SERPINH1: variants seen among roughly 807,000 people sequenced by gnomAD.
SERPINH1 encodes the protein serpin H1.
In SERPINH1, 22 loss-of-function variants were observed where a neutral mutation model predicts 32.3. The ratio of observed to expected loss-of-function variants is 0.68; its 90% CI spans 0.49 to 0.97. The LOEUF (loss-of-function observed/expected upper bound fraction) is 0.97. SERPINH1 is among the 50% of genes least tolerant of loss of function. The pLI, the probability that SERPINH1 is intolerant of heterozygous loss-of-function variation, is 0.00. For missense variants in SERPINH1, 543 were observed against 576.4 expected (o/e 0.94, Z 0.59); for synonymous variants, 251 against 245.9 (o/e 1.02, Z -0.19).
In SERPINH1 at chr11:75,571,955, CG is replaced by C; in HGVS notation, c.1130del (p.Arg377ProfsTer15). ...GGACATCTACGGGCGCGAGGAGCTG[CG>C]CAGCCCCAAGCTGTTCTACGCCGAC... is the stretch of plus-strand genomic sequence containing the variant. The part of the protein sequence containing the change: ...DQDIYGREEL[R>X]SPKLFYADHP... On this transcript the variant is annotated frameshift_variant, in exon 5 of 5. Coordinates refer to ENST00000358171, the MANE Select transcript of SERPINH1 (RefSeq NM_001235.5). LOFTEE classifies it high-confidence loss of function. 6.2e-7 allele frequency: 1 copy of C among 1,614,208 alleles called. No individual in the cohort carries two copies. The highest frequency in any genetic ancestry group is 2.2e-5 in the East Asian group (1 of 44,888).
In SERPINH1 at chr11:75,572,142, T is replaced by G; in HGVS notation, c.*59T>G. 6.5e-7 allele frequency: 1 copy of G among 1,544,924 alleles called. No homozygotes were observed. Among genetic ancestry groups the G allele is most frequent in the Non-Finnish European group, 8.9e-7 (1 of 1,124,562 alleles). Reference sequence around the variant, plus strand: ...TCCAAAGGCTCCTGAGACACATGGGTGCTATTGGGGTTGGGGGGGAGGTGA... The same window carrying G: ...TCCAAAGGCTCCTGAGACACATGGGGGCTATTGGGGTTGGGGGGGAGGTGA... On this transcript the variant is annotated 3_prime_UTR_variant, in exon 5 of 5. Transcript: ENST00000358171.
In SERPINH1 at chr11:75,566,937, C is replaced by A. The variant is rs1232634716; in HGVS notation, c.588C>A (p.Asp196Glu). Residue 196 changes from aspartate (D) to glutamate (E), a missense_variant, in exon 2 of 5, where the codon GAC becomes GAA. Asp to Glu is a conservative substitution (Grantham distance 45). This residue lies in a region of SERPINH1 where 427 missense variants were observed against 446.4 expected (regional missense o/e 0.96). Coordinates refer to ENST00000358171, the MANE Select transcript of SERPINH1 (RefSeq NM_001235.5). Reference protein sequence around the residue: ...PEVTKDVERTDGALLVNAMFF... With the variant: ...PEVTKDVERTEGALLVNAMFF... ...TCACCAAGGACGTGGAGCGCACGGA[C>A]GGCGCCCTGCTAGTCAACGCCATGT... 1 of 1,603,672 alleles carries A rather than the reference C, an allele frequency of 6.2e-7. No homozygotes were observed. The highest frequency in any genetic ancestry group is 1.1e-5 in the South Asian group (1 of 91,032).
Position 75,566,455 on chromosome 11 carries a change from T to G in SERPINH1, c.106T>G (p.Leu36Val). 6.2e-7 allele frequency: 1 copy of G among 1,612,436 alleles called. No homozygotes were observed. The highest frequency in any genetic ancestry group is 8.5e-7 in the Non-Finnish European group (1 of 1,179,842). The change falls in exon 2 of 5, where the codon TTG (leucine) becomes GTG (valine). Residue 36 changes from leucine to valine, a missense_variant. This residue lies in a region of SERPINH1 where 109 missense variants were observed against 102.4 expected (regional missense o/e 1.06). Coordinates refer to ENST00000358171, the MANE Select transcript of SERPINH1 (RefSeq NM_001235.5). ...AGCAGCTCCTGGCACTGCGGAGAAGTTGAGCCCCAAGGCGGCCACGCTTGC... is the reference window on the plus strand; with the variant it reads ...AGCAGCTCCTGGCACTGCGGAGAAGGTGAGCCCCAAGGCGGCCACGCTTGC... ...AAAAPGTAEKLSPKAATLAER... is the reference protein window; with the variant it reads ...AAAAPGTAEKVSPKAATLAER...
Position 75,568,759 on chromosome 11 carries a change from G to T in SERPINH1, c.651G>T (p.Lys217Asn), listed in dbSNP as rs1323744768. 7 of 1,613,328 alleles carry T rather than the reference G, an allele frequency of 4.3e-6. No homozygotes were observed. Among genetic ancestry groups the T allele is most frequent in the Non-Finnish European group, 5.9e-6 (7 of 1,179,760 alleles). The change falls in exon 3 of 5, where the codon AAG becomes AAT. Residue 217 changes from lysine to asparagine, a missense_variant. Around this residue, in one of 3 missense-constraint regions of SERPINH1, gnomAD observed 427 missense variants for 446.4 expected, o/e 0.96. Transcript: ENST00000358171. The stretch of plus-strand genomic sequence containing the variant: ...ACTGGGATGAGAAATTCCACCACAA[G>T]ATGGTGGACAACCGTGGCTTCATGG... ...KPHWDEKFHH[K>N]MVDNRGFMVT...
Position 75,566,693 on chromosome 11 carries a change from T to C in SERPINH1, c.344T>C (p.Leu115Pro). Residue 115 changes from leucine to proline, a missense_variant, in exon 2 of 5, where the codon CTG becomes CCG. Coordinates refer to ENST00000358171, the MANE Select transcript of SERPINH1 (RefSeq NM_001235.5). ...GTGCACGCCGGCCTGGGCGAGCTGC[T>C]GCGCTCACTCAGCAACTCCACGGCG... ...EEVHAGLGELLRSLSNSTARN... is the reference protein window; with the variant it reads ...EEVHAGLGELPRSLSNSTARN... 1 of 1,610,576 alleles carries C rather than the reference T, an allele frequency of 6.2e-7. No individual in the cohort carries two copies. The highest frequency in any genetic ancestry group is 1.1e-5 in the South Asian group (1 of 90,814).
chr11:75,564,872 A>G (rs1942046201), intron 1 of SERPINH1, among the ~76,000 whole-genome samples: 1 of 152,218 alleles, frequency 6.6e-6, no homozygotes, highest in Non-Finnish European at 1.5e-5. Flanking sequence ...TGGCAGCAGT[A>G]GAATCTTCCC....
chr11:75,567,356 C>G (rs1198105329), intron 2 of SERPINH1, among the ~76,000 whole-genome samples: 1 of 152,226 alleles, frequency 6.6e-6, no homozygotes, highest in Non-Finnish European at 1.5e-5. Flanking sequence ...GAGTCTCACT[C>G]TGTCACCCAG....
At position 75,566,755 on chromosome 11, in the gene SERPINH1, G is replaced by A. The variant is rs759183941; in HGVS notation, c.406G>A (p.Gly136Arg). The A allele has an allele frequency of 1.2e-6, 2 of 1,613,194 alleles. No homozygotes were observed. Among genetic ancestry groups the A allele is most frequent in the South Asian group, 2.2e-5 (2 of 91,084 alleles). ...VTWKLGSRLYGPSSVSFADDF... is the reference protein window; with the variant it reads ...VTWKLGSRLYRPSSVSFADDF... ...CTGGAAGCTGGGCAGCCGACTGTAC[G>A]GACCCAGCTCAGTGAGCTTCGCTGA... The change falls in exon 2 of 5, where the codon GGA becomes AGA. Residue 136 changes from glycine to arginine, a missense_variant. Gly to Arg is a moderately radical substitution (Grantham distance 125, BLOSUM62 -2). This residue lies in a region of SERPINH1 where 427 missense variants were observed against 446.4 expected (regional missense o/e 0.96). Coordinates refer to ENST00000358171, the MANE Select transcript of SERPINH1 (RefSeq NM_001235.5).
chr11:75,563,711 T>C (rs1373429907), intron 1 of SERPINH1: 4 of 152,826 alleles, frequency 2.6e-5, no homozygotes, highest in Non-Finnish European at 1.5e-5. Context: ...CTCTTCACTC[T>C]TCTGTTTTCT....
At chr11:75,567,204 A>G (rs950109395) in intron 2 of SERPINH1, among the ~76,000 whole-genome samples, 4 of 152,222 alleles carry the variant, frequency 2.6e-5, no homozygotes, top group Admixed American at 2.0e-4. Context: ...GACTCCATGG[A>G]ATGTATTCCG....
rs761892171 is a variant in SERPINH1 at position 75,568,936 on chromosome 11, C to G, written c.722-3C>G. The G allele has an allele frequency of 6.2e-7, 1 of 1,613,634 alleles. No homozygotes were observed. Among genetic ancestry groups the G allele is most frequent in the Non-Finnish European group, 8.5e-7 (1 of 1,179,750 alleles). ...CCCAGTGTCCTTTCCGCTCCTCTCCCAGGCCTCTACAACTACTACGACGAC... is the reference window on the plus strand; with the variant it reads ...CCCAGTGTCCTTTCCGCTCCTCTCCGAGGCCTCTACAACTACTACGACGAC... On this transcript the variant is annotated splice_polypyrimidine_tract_variant and splice_region_variant and intron_variant, in intron 3 of 4. Coordinates refer to ENST00000358171, the MANE Select transcript of SERPINH1 (RefSeq NM_001235.5).
chr11:75,563,005 AAG>A (rs1942005428), intron 1 of SERPINH1: 2 of 152,350 alleles, frequency 1.3e-5, no homozygotes. Flanking sequence ...ACTCCGAAAA[AAG>A]AGAGTGGGGG....
intron 3 of SERPINH1, 24 bp from the exon 4 acceptor site, chr11:75,568,915 G>T: frequency 1.2e-6 from 2 of 1,611,982 alleles, no homozygotes; most frequent in Non-Finnish European, 1.7e-6. Flanking sequence ...AGGGTGCCCA[G>T]TGTCCTTTCC....
chr11:75,571,903 G>C lies in SERPINH1; in HGVS notation c.1077G>C (p.Leu359Phe), dbSNP rs771997683. The part of the protein sequence containing the change: ...ASVFHATAFE[L>F]DTDGNPFDQD... ...TGTTCCACGCCACCGCCTTTGAGTT[G>C]GACACAGATGGCAACCCCTTTGACC... The change falls in exon 5 of 5, where the codon TTG becomes TTC. Residue 359 changes from leucine to phenylalanine, a missense_variant. This residue lies in a region of SERPINH1 where 427 missense variants were observed against 446.4 expected (regional missense o/e 0.96). Transcript: ENST00000358171. 6.2e-7 allele frequency: 1 copy of C among 1,614,216 alleles called. No individual in the cohort carries two copies. Among genetic ancestry groups the C allele is most frequent in the Non-Finnish European group, 8.5e-7 (1 of 1,180,036 alleles).
At chr11:75,569,902 A>G (rs575856985) in intron 4 of SERPINH1, among the ~76,000 whole-genome samples, 1 of 152,198 alleles carries the variant, frequency 6.6e-6, no homozygotes, top group Admixed American at 6.6e-5. Context: ...ACTGCCTCTG[A>G]GGTCTGAAGT....
At chr11:75,567,826 A>G (rs1446428860) in intron 2 of SERPINH1, 1 of 152,268 alleles carries the variant, frequency 6.6e-6, no homozygotes, top group Non-Finnish European at 1.5e-5. Context: ...TGCTGTGAGA[A>G]TGAAGTAACC....
intron 4 of SERPINH1, 88 bp from the exon 5 acceptor site, chr11:75,571,693 G>A: frequency 8.1e-7 from 1 of 1,241,316 alleles, no homozygotes; most frequent in South Asian, 1.2e-5. Flanking sequence ...TCTCTGAGGA[G>A]CGGTCAGGGT....
intron 4 of SERPINH1, among the ~76,000 whole-genome samples, chr11:75,571,319 G>A (rs1467322513): frequency 6.6e-6 from 1 of 152,122 alleles, no homozygotes; most frequent in Non-Finnish European, 1.5e-5. Context: ...CCAGAGTGAT[G>A]TGGACATAGT....
chr11:75,571,785 A>T lies in SERPINH1; in HGVS notation c.959A>T (p.His320Leu). 1 of 1,613,468 alleles carries T rather than the reference A, an allele frequency of 6.2e-7. No individual in the cohort carries two copies. Among genetic ancestry groups the T allele is most frequent in the Admixed American group, 1.7e-5 (1 of 60,022 alleles). ...VVEVTHDLQK[H>L]LAGLGLTEAI... ...CACACCTCCTTGTTCCCACAGAAAC[A>T]CCTGGCTGGGCTGGGCCTGACTGAG... The change falls in exon 5 of 5, where the codon CAC becomes CTC. Residue 320 changes from histidine (H) to leucine (L), a missense_variant. Around this residue, in one of 3 missense-constraint regions of SERPINH1, gnomAD observed 427 missense variants for 446.4 expected, o/e 0.96. Transcript: ENST00000358171.
Sources: allele counts gnomAD v4.1 joint callset (sites outside exome capture counted in the v4.1 genomes callset), GRCh38; gene constraint gnomAD v4.1.1; regional missense constraint gnomAD v4.1.1; transcripts MANE v1.5; gene names NCBI Gene and HGNC (gene_info 2026-07-23, HGNC 2026-07-21).